Variants in GRK2 observed in about 807,000 individuals in gnomAD.
GRK2 encodes adrenergic beta receptor kinase 1.
Under a neutral mutation model 97.8 loss-of-function variants are expected in GRK2, and 23 were observed. The observed-to-expected ratio is 0.24, with a 90% confidence interval of 0.17 to 0.33. The LOEUF is 0.33. Among genes scored for constraint, GRK2 ranks in the 10% least tolerant of loss-of-function variants. The pLI is 1.00. For synonymous variants in GRK2, 425 were observed against 381.7 expected, an observed-to-expected ratio of 1.11 and a Z score of -1.32; for missense variants, 633 against 956.9, an observed-to-expected ratio of 0.66 and a Z score of 4.47.
intron 1 of GRK2, among the ~76,000 whole-genome samples, chr11:67,273,305 G>A (rs76554515): frequency 1.3e-5 from 2 of 152,352 alleles, no homozygotes; most frequent in Non-Finnish European, 2.9e-5. Context: ...TGTTGAGGCC[G>A]CTTGGTTCTC....
chr11:67,282,140 A>G lies in GRK2; in HGVS notation c.958-131A>G. 8.4e-7 allele frequency: 1 copy of G among 1,197,232 alleles called. No individual in the cohort carries two copies. The allele number at this position is 1,197,232 out of a possible 1,614,324, so 74.2% of individuals were successfully genotyped here. A position where few individuals can be genotyped will look rare whatever the true frequency, so the allele number is the denominator to read the frequency against. ...CAGGTTGTAGCTGGGGACAGGAGAG[A>G]GGACCCCCACCTTTGCCCTTTCTTT... is the stretch of plus-strand genomic sequence containing the variant. On this transcript the variant is annotated intron_variant, in intron 11 of 20. Coordinates refer to ENST00000308595, the MANE Select transcript of GRK2 (RefSeq NM_001619.5). This position sits in a 1 kb window ranked among gnomAD's most constrained non-coding sequence, Gnocchi z 6.9.
At chr11:67,273,457 G>A (rs1182250035) in intron 1 of GRK2, among the ~76,000 whole-genome samples, 1 of 152,208 alleles carries the variant, frequency 6.6e-6, no homozygotes, top group Non-Finnish European at 1.5e-5. Flanking sequence ...GAGACAAGGT[G>A]ACCCAGTCCA....
intron 1 of GRK2, 107 bp from the exon 2 acceptor site, chr11:67,277,165 C>A: frequency 9.4e-7 from 1 of 1,067,432 alleles, no homozygotes; most frequent in Non-Finnish European, 1.4e-6. Context: ...GGCCTCCTTC[C>A]TGGAGGGAGT....
At position 67,284,345 on chromosome 11, in the gene GRK2, C is replaced by G; in HGVS notation, c.1626C>G (p.Ala542=). The G allele has an allele frequency of 6.2e-7, 1 of 1,612,940 alleles. No individual in the cohort carries two copies. The highest frequency in any genetic ancestry group is 1.1e-5 in the South Asian group (1 of 91,084). The change falls in exon 18 of 21, where the codon GCC becomes GCG. Residue 542 remains alanine, a synonymous_variant. Transcript: ENST00000308595. ...ACCGGCTGGAGGCTCGCAAGAAAGC[C>G]AAGAACAAGCAGCTGGGCCATGAGG... The part of the protein sequence containing the change: ...ETDRLEARKK[A]KNKQLGHEED...
chr11:67,274,704 C>T (rs1379615853), intron 1 of GRK2, among the ~76,000 whole-genome samples: 1 of 151,652 alleles, frequency 6.6e-6, no homozygotes, highest in African/African-American at 2.4e-5. Context: ...CCGTGTCTTT[C>T]TCAATTCAAG....
At chr11:67,271,876 C>T (rs1399206893) in intron 1 of GRK2, among the ~76,000 whole-genome samples, 1 of 152,248 alleles carries the variant, frequency 6.6e-6, no homozygotes, top group Admixed American at 6.5e-5. Context: ...CCTTCTGCTG[C>T]TGGCACCTTG....
chr11:67,271,621 G>T (rs1173078027), intron 1 of GRK2, among the ~76,000 whole-genome samples: 2 of 152,228 alleles, frequency 1.3e-5, no homozygotes, highest in East Asian at 1.9e-4. Context: ...TGACAAGGCC[G>T]CCAGAGTGCC....
At position 67,283,204 on chromosome 11, in the gene GRK2, G is replaced by A. The variant is rs773040164; in HGVS notation, c.1304G>A (p.Arg435Gln). 12 of 1,613,826 alleles carry A rather than the reference G, an allele frequency of 7.4e-6. No homozygotes were observed. Among genetic ancestry groups the A allele is most frequent in the African/African-American group, 2.7e-5 (2 of 74,914 alleles). Residue 435 changes from arginine to glutamine, a missense_variant, in exon 15 of 21, where the codon CGG (arginine) becomes CAG (glutamine). Around this residue, in one of 4 missense-constraint regions of GRK2, gnomAD observed 68 missense variants for 71.0 expected, o/e 0.96. Coordinates refer to ENST00000308595, the MANE Select transcript of GRK2 (RefSeq NM_001619.5). ...LEGLLQRDVN[R>Q]RLGCLGRGAQ... ...GGGTTGCTGCAGAGGGATGTCAACC[G>A]GAGATTGGGCTGCCTGGGCCGAGGG...
At position 67,286,491 on chromosome 11, in the gene GRK2, A is replaced by G; in HGVS notation, c.*1041A>G. The G allele has an allele frequency of 1.4e-6, 1 of 700,296 alleles. No individual in the cohort carries two copies. 43.4% of individuals were successfully genotyped at this position (700,296 alleles called of 1,614,324 possible). A position where few individuals can be genotyped will look rare whatever the true frequency, so the allele number is the denominator to read the frequency against. On this transcript the variant is annotated 3_prime_UTR_variant, in exon 21 of 21. Transcript: ENST00000308595. Reference sequence around the variant, plus strand: ...CATTCCCCGGGGCGTTTCTTTGCCGATTTTTGAATGTGATTTTAAAGAGTG... The same window carrying G: ...CATTCCCCGGGGCGTTTCTTTGCCGGTTTTTGAATGTGATTTTAAAGAGTG...
chr11:67,281,456 T>C lies in GRK2; in HGVS notation c.648-3T>C, dbSNP rs2136502267. 1 of 1,613,220 alleles carries C rather than the reference T, an allele frequency of 6.2e-7. No homozygotes were observed. Among genetic ancestry groups the C allele is most frequent in the African/African-American group, 1.3e-5 (1 of 75,000 alleles). On this transcript the variant is annotated splice_polypyrimidine_tract_variant and splice_region_variant and intron_variant, in intron 8 of 20. Coordinates refer to ENST00000308595, the MANE Select transcript of GRK2 (RefSeq NM_001619.5). This position sits in a 1 kb window ranked among gnomAD's most constrained non-coding sequence, Gnocchi z 5.7. ...GTGTTGACTGCCGACCTCTGCCCCG[T>C]AGGTACGCCATGAAGTGCCTGGACA... is the stretch of plus-strand genomic sequence containing the variant.
At chr11:67,267,792 C>A (rs1161580176) in intron 1 of GRK2, among the ~76,000 whole-genome samples, 1 of 152,134 alleles carries the variant, frequency 6.6e-6, no homozygotes, top group Admixed American at 6.5e-5. Flanking sequence ...CATGGGGTGG[C>A]GAGGACAGGT....
rs1215566413 is a variant in GRK2, at chr11:67,286,249, C to T, written c.*799C>T. ...GGACGGGGCCGGCCAGGTGGGCGGG[C>T]AGCACAGCAAGGAGGCTGGCTGGGG... On this transcript the variant is annotated 3_prime_UTR_variant, in exon 21 of 21. Transcript: ENST00000308595. 2 of 591,092 alleles carry T rather than the reference C, an allele frequency of 3.4e-6. No individual in the cohort carries two copies. The highest frequency in any genetic ancestry group is 6.0e-6 in the Non-Finnish European group (2 of 333,102). 36.6% of individuals were successfully genotyped at this position (591,092 alleles called of 1,614,324 possible). A position where few individuals can be genotyped will look rare whatever the true frequency, so the allele number is the denominator to read the frequency against.
chr11:67,284,020 T>C (rs1860217236), intron 17 of GRK2, 71 bp downstream of exon 17: 2 of 1,469,308 alleles, frequency 1.4e-6, no homozygotes, highest in Non-Finnish European at 1.9e-6. Context: ...CTCTCCCTTC[T>C]TATCACCTGT....
chr11:67,284,052 C>A, intron 17 of GRK2, 103 bp downstream of exon 17: 1 of 1,415,468 alleles, frequency 7.1e-7, no homozygotes, highest in Non-Finnish European at 9.7e-7. Flanking sequence ...CCAGCCCTGC[C>A]AGCTTGTAGG....
rs1859989272 is a variant in GRK2 at position 67,274,601 on chromosome 11, T to TTTTCTC, written c.114-2670_114-2665dup. Among the ~76,000 whole-genome samples, 10 of 145,338 alleles carry TTTTCTC rather than the reference T, an allele frequency of 6.9e-5. No homozygotes were observed. In the South Asian group the frequency reaches 2.2e-3, roughly 32 times the overall value. ...GAGATGCAGGCCCCTGACCTTGGGG[T>TTTTCTC]TTTCTCCACGTTCCAGTCTCCCAGT... On this transcript the variant is annotated intron_variant, in intron 1 of 20. Coordinates refer to ENST00000308595, the MANE Select transcript of GRK2 (RefSeq NM_001619.5).
intron 2 of GRK2, among the ~76,000 whole-genome samples, chr11:67,277,714 G>A (rs1053207152): frequency 6.6e-6 from 1 of 152,236 alleles, no homozygotes; most frequent in African/African-American, 2.4e-5. Context: ...GGCGCCTGCC[G>A]AGCTGTGGTT....
In GRK2 at chr11:67,276,570, C is replaced by G. The variant is rs1357507547; in HGVS notation, c.114-702C>G. The stretch of plus-strand genomic sequence containing the variant: ...CGAACCAAGGCATGGCCTTTTCTTA[C>G]AATTTAAAAAATTGAGATGCAATTC... On this transcript the variant is annotated intron_variant, in intron 1 of 20. Transcript: ENST00000308595. This position sits in a 1 kb window ranked among gnomAD's most constrained non-coding sequence, Gnocchi z 4.2. 6.6e-6 allele frequency: 1 copy of G among 152,152 alleles called. No homozygotes were observed. Among genetic ancestry groups the G allele is most frequent in the Non-Finnish European group, 1.5e-5 (1 of 68,034 alleles). The allele number at this position is 152,152 out of a possible 1,614,324, so 9.4% of individuals were successfully genotyped here. A position where few individuals can be genotyped will look rare whatever the true frequency, so the allele number is the denominator to read the frequency against.
chr11:67,266,988 C>T (rs1288910963), intron 1 of GRK2, among the ~76,000 whole-genome samples, 176 bp downstream of exon 1: 1 of 152,004 alleles, frequency 6.6e-6, no homozygotes, highest in East Asian at 2.0e-4. Flanking sequence ...GGTCCAGACC[C>T]TAAGCCCCAG....
chr11:67,278,214 T>C (rs1860074549), intron 2 of GRK2, among the ~76,000 whole-genome samples: 1 of 152,156 alleles, frequency 6.6e-6, no homozygotes, highest in Non-Finnish European at 1.5e-5. Context: ...GGCCAGGCAG[T>C]GAGGACTGAA....
Sources: gnomAD v4.1 joint callset for allele counts (sites outside exome capture counted in the v4.1 genomes callset) on GRCh38, gnomAD v4.1.1 for gene constraint, gnomAD v4.1.1 regional missense constraint, Gnocchi (gnomAD v3.1) non-coding constraint, MANE v1.5 for transcripts, NCBI Gene and HGNC (gene_info 2026-07-23, HGNC 2026-07-21) for gene names.